The following SEMA6A variants were observed in gnomAD, a reference collection of about 807,000 sequenced individuals.
The protein encoded by SEMA6A is semaphorin-6A.
SEMA6A carries 25 observed loss-of-function variants against 96.8 expected under a neutral mutation model. That is an observed-to-expected ratio of 0.26 (90% CI 0.19 to 0.36). The LOEUF (loss-of-function observed/expected upper bound fraction) is 0.36. Ranked by LOEUF, SEMA6A falls within the 10% of genes least tolerant of loss-of-function variation. The pLI, the probability that SEMA6A is intolerant of heterozygous loss-of-function variation, is 1.00. For synonymous variants in SEMA6A, 612 were observed against 518.0 expected, an observed-to-expected ratio of 1.18 and a Z score of -2.46; for missense variants, 1,363 against 1,323.1, an observed-to-expected ratio of 1.03 and a Z score of -0.47.
intron 1 of SEMA6A, among the ~76,000 whole-genome samples, chr5:116,540,557 C>T (rs1759914422): frequency 6.6e-6 from 1 of 152,170 alleles, no homozygotes; most frequent in South Asian, 2.1e-4. Flanking sequence ...CCATCATTCC[C>T]ACATGTCACT....
intron 18 of SEMA6A, among the ~76,000 whole-genome samples, chr5:116,449,157 C>A (rs1754468692): frequency 6.6e-6 from 1 of 152,180 alleles, no homozygotes; most frequent in Non-Finnish European, 1.5e-5. Context: ...GTTGTCAGAT[C>A]TTAAGTGCTT....
chr5:116,477,297 C>A (rs1227378133), intron 15 of SEMA6A, among the ~76,000 whole-genome samples: 1 of 152,240 alleles, frequency 6.6e-6, no homozygotes, highest in African/African-American at 2.4e-5. Context: ...TCTAGCTGAT[C>A]TGTTGGAGAA....
chr5:116,452,306 A>C (rs907722440), intron 18 of SEMA6A, among the ~76,000 whole-genome samples: 1 of 152,218 alleles, frequency 6.6e-6, no homozygotes, highest in Non-Finnish European at 1.5e-5. Flanking sequence ...ATAAGGTGCT[A>C]AATGGTTAGT....
chr5:116,497,858 A>G (rs1409223101), intron 3 of SEMA6A, among the ~76,000 whole-genome samples: 1 of 152,212 alleles, frequency 6.6e-6, no homozygotes, highest in Non-Finnish European at 1.5e-5. Flanking sequence ...ATATATTTCC[A>G]TCTTAACTGT....
In SEMA6A at chr5:116,444,486, C is replaced by A. The variant is rs965403288; in HGVS notation, c.*2127G>T. The A allele has an allele frequency of 6.6e-6, 1 of 152,134 alleles. No homozygotes were observed. Among genetic ancestry groups the A allele is most frequent in the Admixed American group, 6.6e-5 (1 of 15,238 alleles). 9.4% of individuals were successfully genotyped at this position (152,134 alleles called of 1,614,324 possible). A position where few individuals can be genotyped will look rare whatever the true frequency, so the allele number is the denominator to read the frequency against. On this transcript the variant is annotated 3_prime_UTR_variant, in exon 19 of 19. Coordinates refer to ENST00000343348, the MANE Select transcript of SEMA6A (RefSeq NM_020796.5). ...CTGGAAATAAAAGCAGACAAAGAGA[C>A]CACCAAATATACTGTTTAAAAAAAC...
At chr5:116,519,567 C>T (rs894554872) in intron 1 of SEMA6A, among the ~76,000 whole-genome samples, 15 of 151,916 alleles carry the variant, frequency 9.9e-5, no homozygotes, top group African/African-American at 3.4e-4. Context: ...GGGAACAGTG[C>T]GGATATTGGG....
Position 116,467,626 on chromosome 5 carries a change from G to A in SEMA6A, c.1851C>T (p.Asp617=), listed in dbSNP as rs2112649725. 2 of 1,613,472 alleles carry A rather than the reference G, an allele frequency of 1.2e-6. No homozygotes were observed. The highest frequency in any genetic ancestry group is 2.2e-5 in the South Asian group (2 of 91,008). ...TATGGGAAGACACTGCCCCCAAAGG[G>A]TCTGTGCTGTCAGGTGAGTCAAGCA... is the stretch of plus-strand genomic sequence containing the variant. ...KHLLDSPDST[D]PLGAVSSHNH... Residue 617 remains aspartate (D), a synonymous_variant, in exon 18 of 19, where the codon GAC becomes GAT. Transcript: ENST00000343348.
intron 18 of SEMA6A, among the ~76,000 whole-genome samples, chr5:116,465,860 G>A (rs1045513616): frequency 6.6e-6 from 1 of 152,084 alleles, no homozygotes; most frequent in African/African-American, 2.4e-5. Context: ...AAAACAAAGT[G>A]ATTTCTACTG....
At chr5:116,489,271 G>C (rs1284142456) in intron 7 of SEMA6A, among the ~76,000 whole-genome samples, 1 of 152,122 alleles carries the variant, frequency 6.6e-6, no homozygotes, top group Non-Finnish European at 1.5e-5. Flanking sequence ...TCAGGGAACA[G>C]GGTAGATGAA....
chr5:116,447,811 C>T lies in SEMA6A; in HGVS notation c.1895G>A (p.Gly632Glu), dbSNP rs780542436. The T allele has an allele frequency of 1.9e-6, 3 of 1,587,816 alleles. No individual in the cohort carries two copies. Among genetic ancestry groups the T allele is most frequent in the South Asian group, 1.1e-5 (1 of 87,754 alleles). ...VSSHNHQDKKGVIRESYLKGH... is the reference protein window; with the variant it reads ...VSSHNHQDKKEVIRESYLKGH... ...TTTGAGGTAACTTTCCCGAATCACT[C>T]CTGCAATAGACATCGCATATGGCGT... Residue 632 changes from glycine (G) to glutamate (E), a missense_variant and splice_region_variant, in exon 19 of 19, where the codon GGA (glycine) becomes GAA (glutamate). This residue lies in a region of SEMA6A where 883 missense variants were observed against 763.6 expected (regional missense o/e 1.16). Coordinates refer to ENST00000343348, the MANE Select transcript of SEMA6A (RefSeq NM_020796.5).
chr5:116,570,987 TA>T (rs1761187410), intron 1 of SEMA6A, among the ~76,000 whole-genome samples: 2 of 152,184 alleles, frequency 1.3e-5, no homozygotes, highest in African/African-American at 2.4e-5. Context: ...ACAACTGCTA[TA>T]TGTGTTTAAT....
rs547277672 is a variant in SEMA6A at position 116,572,582 on chromosome 5, A to G, written c.-39+1603T>C. On this transcript the variant is annotated intron_variant, in intron 1 of 18. Transcript: ENST00000343348. ...CAGATGGCTCGGGATTCTGCACCTG[A>G]AGCTGCCTACTTGCAAGCCACTGAG... Among the ~76,000 whole-genome samples, 3 of 152,258 alleles carry G rather than the reference A, an allele frequency of 2.0e-5. No individual in the cohort carries two copies. In the South Asian group the frequency reaches 6.2e-4, roughly 32 times the overall value.
chr5:116,522,631 C>G (rs1414995562), intron 1 of SEMA6A, among the ~76,000 whole-genome samples: 2 of 152,196 alleles, frequency 1.3e-5, no homozygotes, highest in Non-Finnish European at 2.9e-5. Flanking sequence ...ACAGTGCAGT[C>G]TAACACAAAG....
chr5:116,512,385 G>A (rs1187321933), intron 1 of SEMA6A, among the ~76,000 whole-genome samples: 1 of 152,146 alleles, frequency 6.6e-6, no homozygotes, highest in African/African-American at 2.4e-5. Flanking sequence ...GCCATTAAGA[G>A]AGACATAAAA....
chr5:116,501,687 A>G (rs975979335), intron 3 of SEMA6A, among the ~76,000 whole-genome samples: 1 of 152,182 alleles, frequency 6.6e-6, no homozygotes, highest in Admixed American at 6.6e-5. Context: ...CAGGAGTTCA[A>G]GACCAGCCTG....
intron 11 of SEMA6A, among the ~76,000 whole-genome samples, chr5:116,481,211 G>A (rs28028): frequency 0.35 from 52,840 of 152,042 alleles, 10,183 homozygotes; most frequent in Non-Finnish European, 0.43. Context: ...TATGTGTGCT[G>A]GTATTGGTTG....
chr5:116,489,368 G>C (rs76190178), intron 7 of SEMA6A, among the ~76,000 whole-genome samples: 128 of 152,136 alleles, frequency 8.4e-4, no homozygotes, highest in African/African-American at 3.0e-3. Context: ...ACCACACCAT[G>C]GTAAACTGGA....
chr5:116,487,623 G>A (rs1300554726), intron 9 of SEMA6A, among the ~76,000 whole-genome samples: 1 of 152,084 alleles, frequency 6.6e-6, no homozygotes, highest in Non-Finnish European at 1.5e-5. Context: ...CAGCATTTTG[G>A]GAGGCTGCAG....
intron 1 of SEMA6A, among the ~76,000 whole-genome samples, chr5:116,514,960 T>C (rs1188102755): frequency 1.3e-5 from 2 of 152,294 alleles, no homozygotes; most frequent in African/African-American, 2.4e-5. Context: ...CAAAAAGAAA[T>C]TATTACTCTG....
Sources: allele counts gnomAD v4.1 joint callset (sites outside exome capture counted in the v4.1 genomes callset), GRCh38; gene constraint gnomAD v4.1.1; regional missense constraint gnomAD v4.1.1; transcripts MANE v1.5; gene names NCBI Gene and HGNC (gene_info 2026-07-23, HGNC 2026-07-21).